Variants in ANK2 observed in about 807,000 individuals in gnomAD.
The protein encoded by ANK2 is ankyrin 2, also known as ankyrin-2.
Under a neutral mutation model 360.5 loss-of-function variants are expected in ANK2, and 83 were observed. The observed-to-expected ratio is 0.23, with a 90% CI of 0.19 to 0.28. The LOEUF (loss-of-function observed/expected upper bound fraction) is 0.28. ANK2 is among the 10% of genes least tolerant of loss of function. The probability of loss-of-function intolerance (pLI) is 1.00; values close to 1 mark genes in which losing one functional copy is unlikely to be tolerated. For synonymous variants in ANK2, 1,740 were observed against 1,759.5 expected (o/e 0.99, Z 0.28); for missense variants, 4,201 against 4,795.7 (o/e 0.88, Z 3.66).
chr4:113,354,826 G>C lies in ANK2; in HGVS notation c.6208G>C (p.Val2070Leu). 1 of 1,614,124 alleles carries C rather than the reference G, an allele frequency of 6.2e-7. No homozygotes were observed. The highest frequency in any genetic ancestry group is 8.5e-7 in the Non-Finnish European group (1 of 1,180,004). ...AGCAGAATCCAAAAGAGGAGTTCGT[G>C]TTTCCTCCATAGGAGTTAAGAAAGA... is the stretch of plus-strand genomic sequence containing the variant. ...GTAESKRGVR[V>L]SSIGVKKEDA... Residue 2070 changes from valine to leucine, a missense_variant, in exon 38 of 46, where the codon GTT (valine) becomes CTT (leucine). Coordinates refer to ENST00000357077, the MANE Select transcript of ANK2 (RefSeq NM_001148.6).
the ANK2 span, among the ~76,000 whole-genome samples, chr4:112,754,927 T>C: frequency 2.6e-5 from 4 of 152,122 alleles, no homozygotes; most frequent in Non-Finnish European, 5.9e-5. Context: ...AAGATGAAGA[T>C]TTTTTTACTT....
At chr4:112,707,588 T>C in the ANK2 span, among the ~76,000 whole-genome samples, 1 of 152,216 alleles carries the variant, frequency 6.6e-6, no homozygotes, top group African/African-American at 2.4e-5. Flanking sequence ...AGAATGAAGG[T>C]GAAATTATTG....
the ANK2 span, among the ~76,000 whole-genome samples, chr4:112,799,699 T>G: frequency 3.3e-5 from 5 of 151,852 alleles, no homozygotes; most frequent in South Asian, 1.0e-3. Flanking sequence ...GTATTTTTAG[T>G]AGAGACAGGG....
At chr4:112,718,158 G>A in the ANK2 span, among the ~76,000 whole-genome samples, 3 of 152,200 alleles carry the variant, frequency 2.0e-5, no homozygotes, top group East Asian at 1.9e-4. Context: ...CTGTTTAGAA[G>A]GTGTTGTTGT....
chr4:113,367,586 G>C lies in ANK2; in HGVS notation c.11053G>C (p.Glu3685Gln), dbSNP rs772824755. ...TTTAGGGTTCTCGGTACTTCAAGAG[G>C]AGTTATGCACTGCACAGCACAAGCA... is the stretch of plus-strand genomic sequence containing the variant. ...HSEGFSVLQE[E>Q]LCTAQHKQKE... Residue 3685 changes from glutamate to glutamine, a missense_variant, in exon 42 of 46, where the codon GAG (glutamate) becomes CAG (glutamine). Coordinates refer to ENST00000357077, the MANE Select transcript of ANK2 (RefSeq NM_001148.6). The C allele has an allele frequency of 6.2e-7, 1 of 1,613,620 alleles. No homozygotes were observed. Among genetic ancestry groups the C allele is most frequent in the South Asian group, 1.1e-5 (1 of 91,028 alleles).
the ANK2 span, among the ~76,000 whole-genome samples, chr4:112,791,126 G>A: frequency 6.6e-6 from 1 of 152,200 alleles, no homozygotes; most frequent in Non-Finnish European, 1.5e-5. Flanking sequence ...GAGGCAGCAG[G>A]AAGTAGATAT....
At chr4:112,926,402 A>G (rs909507915) in intron 2 of ANK2, among the ~76,000 whole-genome samples, 7 of 152,074 alleles carry the variant, frequency 4.6e-5, no homozygotes, top group African/African-American at 1.7e-4. Flanking sequence ...GATAGTTTTT[A>G]TGTTTATTGT....
the ANK2 span, among the ~76,000 whole-genome samples, chr4:112,711,131 T>C: frequency 6.6e-6 from 1 of 151,096 alleles, no homozygotes. Flanking sequence ...TTCTTTTTTT[T>C]TCTCTTAAGA....
At chr4:112,865,031 C>A (rs1166994529) in intron 1 of ANK2, among the ~76,000 whole-genome samples, 22 of 52,506 alleles carry the variant, frequency 4.2e-4, no homozygotes, top group African/African-American at 1.5e-3. Context: ...GACTCCATCT[C>A]AAAAAAAAAA....
intron 2 of ANK2, among the ~76,000 whole-genome samples, chr4:112,923,422 A>T (rs2091971957): frequency 6.6e-6 from 1 of 152,026 alleles, no homozygotes; most frequent in Non-Finnish European, 1.5e-5. Flanking sequence ...CTGATTATAA[A>T]GCTAAATGTT....
At chr4:112,958,596 G>C (rs900035262) in intron 2 of ANK2, among the ~76,000 whole-genome samples, 6 of 151,998 alleles carry the variant, frequency 3.9e-5, no homozygotes, top group Non-Finnish European at 8.8e-5. Flanking sequence ...AAGAGAGGGA[G>C]AGGGAGACCG....
intron 1 of ANK2, among the ~76,000 whole-genome samples, chr4:113,084,116 C>A (rs1347608930): frequency 6.6e-6 from 1 of 152,152 alleles, no homozygotes; most frequent in Non-Finnish European, 1.5e-5. Context: ...CAGTTGACAT[C>A]CAGCTGGTCC....
rs182417525 is a variant in ANK2 at position 113,344,131 on chromosome 4, G to A, written c.4248+989G>A. Reference sequence around the variant, plus strand: ...CACATTAAGCAGTAACTGCTCAGAGGTAATGGATCCATTTAACATAGACAG... The same window carrying A: ...CACATTAAGCAGTAACTGCTCAGAGATAATGGATCCATTTAACATAGACAG... On this transcript the variant is annotated intron_variant, in intron 34 of 45. Transcript: ENST00000357077. Among the ~76,000 whole-genome samples the A allele has an allele frequency of 1.2e-3, 177 of 152,228 alleles. 1 individual carries two copies. Among genetic ancestry groups the A allele is most frequent in the African/African-American group, 4.2e-3 (173 of 41,556 alleles).
At chr4:113,250,760 C>CCCT (rs1554340153) in intron 10 of ANK2, among the ~76,000 whole-genome samples, 1 of 136,620 alleles carries the variant, frequency 7.3e-6, no homozygotes, top group African/African-American at 2.6e-5. Flanking sequence ...CCACCGCCCC[C>CCCT]CCCCCCGACA....
chr4:113,119,013 A>C (rs531411648), intron 1 of ANK2, among the ~76,000 whole-genome samples: 11 of 152,308 alleles, frequency 7.2e-5, no homozygotes, highest in Admixed American at 1.3e-4. Context: ...TGATAAAAAC[A>C]GAAAAACTGA....
chr4:113,133,895 A>T (rs1044791245), intron 1 of ANK2, among the ~76,000 whole-genome samples: 1 of 152,214 alleles, frequency 6.6e-6, no homozygotes, highest in Non-Finnish European at 1.5e-5. Flanking sequence ...AAAGAAGAGT[A>T]GCTGGGATGA....
intron 2 of ANK2, among the ~76,000 whole-genome samples, chr4:112,996,160 G>A (rs564182357): frequency 9.2e-5 from 14 of 152,116 alleles, no homozygotes; most frequent in Non-Finnish European, 7.4e-5. Context: ...AATGATCTAG[G>A]TGAAGAAGCC....
chr4:113,333,205 G>A lies in ANK2; in HGVS notation c.3376G>A (p.Glu1126Lys), dbSNP rs2092853044. 4 of 1,614,154 alleles carry A rather than the reference G, an allele frequency of 2.5e-6. No homozygotes were observed. The highest frequency in any genetic ancestry group is 3.4e-6 in the Non-Finnish European group (4 of 1,180,026). The change falls in exon 29 of 46, where the codon GAA becomes AAA. Residue 1126 changes from glutamate to lysine, a missense_variant. Transcript: ENST00000357077. ...ELNEILNGMD[E>K]VLDSPEDLEK... ...GAATGAAATTCTTAACGGCATGGAT[G>A]AAGGTACTTTCAGATGAAGCGTTTT...
the ANK2 span, among the ~76,000 whole-genome samples, chr4:112,781,762 A>C: frequency 2.0e-5 from 3 of 151,984 alleles, no homozygotes; most frequent in Non-Finnish European, 1.5e-5. Flanking sequence ...ACAAGCAACG[A>C]ATTTTAACAG....
Sources: allele counts gnomAD v4.1 joint callset (sites outside exome capture counted in the v4.1 genomes callset), GRCh38; gene constraint gnomAD v4.1.1; transcripts MANE v1.5; gene names NCBI Gene and HGNC (gene_info 2026-07-23, HGNC 2026-07-21).